SLC22A23: variants seen among roughly 807,000 people sequenced by gnomAD.
The protein encoded by SLC22A23 is solute carrier family 22 member 23.
A neutral mutation model predicts 61.0 loss-of-function variants in SLC22A23; 26 were observed. The ratio of observed to expected loss-of-function variants is 0.43; its 90% CI spans 0.31 to 0.59. The LOEUF is 0.59. SLC22A23 is among the 20% of genes least tolerant of loss of function. The pLI, the probability that SLC22A23 is intolerant of heterozygous loss-of-function variation, is 0.11. For synonymous variants in SLC22A23, 430 were observed against 413.9 expected, an observed-to-expected ratio of 1.04 and a Z score of -0.47; for missense variants, 796 against 934.7, an observed-to-expected ratio of 0.85 and a Z score of 1.94.
At chr6:3,355,283 C>A (rs542223079) in intron 3 of SLC22A23, among the ~76,000 whole-genome samples, 1 of 151,960 alleles carries the variant, frequency 6.6e-6, no homozygotes, top group South Asian at 2.1e-4. Context: ...TTCTCATCTT[C>A]AAACTGGAAA....
intron 5 of SLC22A23, among the ~76,000 whole-genome samples, chr6:3,296,928 C>A (rs1012695011): frequency 6.6e-6 from 1 of 152,216 alleles, no homozygotes; most frequent in Admixed American, 6.5e-5. Context: ...CATCCCTTCC[C>A]ATCGTAAATG....
At chr6:3,356,361 C>G (rs77315701) in intron 3 of SLC22A23, among the ~76,000 whole-genome samples, 1,740 of 151,748 alleles carry the variant, frequency 0.011, 44 homozygotes, top group African/African-American at 0.04. Context: ...GATCCACCCT[C>G]GGTGCCTACA....
intron 3 of SLC22A23, among the ~76,000 whole-genome samples, chr6:3,331,136 G>A (rs1352125205): frequency 6.6e-6 from 1 of 152,138 alleles, no homozygotes. Flanking sequence ...GGTGATTAAG[G>A]GACTGGTCCA....
At chr6:3,385,219 A>C (rs1767219512) in intron 3 of SLC22A23, among the ~76,000 whole-genome samples, 1 of 152,122 alleles carries the variant, frequency 6.6e-6, no homozygotes, top group South Asian at 2.1e-4. Flanking sequence ...ATACACTTAA[A>C]TGGTTAAGAT....
At chr6:3,397,303 A>G (rs914826868) in intron 3 of SLC22A23, among the ~76,000 whole-genome samples, 7 of 152,254 alleles carry the variant, frequency 4.6e-5, no homozygotes, top group Admixed American at 4.6e-4. Context: ...CATAGCACTC[A>G]GCAGTGAAAA....
Position 3,427,731 on chromosome 6 carries a change from GAA to G in SLC22A23, c.655-11878_655-11877del, listed in dbSNP as rs879383489. Among the ~76,000 whole-genome samples, 2 of 147,492 alleles carry G rather than the reference GAA, an allele frequency of 1.4e-5. No homozygotes were observed. The highest frequency in any genetic ancestry group is 6.7e-5 in the Admixed American group (1 of 14,902). On this transcript the variant is annotated intron_variant, in intron 1 of 9. Coordinates refer to ENST00000406686, the MANE Select transcript of SLC22A23 (RefSeq NM_015482.2). This position sits in a 1 kb window ranked among gnomAD's most constrained non-coding sequence, Gnocchi z 4.3. ...AAATATACTATTTTTCTGACCAAAAGAAAAAAAAAAGTAGGATGGTTCTCAAA... is the reference window on the plus strand; with the variant it reads ...AAATATACTATTTTTCTGACCAAAAGAAAAAAAAGTAGGATGGTTCTCAAA...
Position 3,270,804 on chromosome 6 carries a change from A to G in SLC22A23, c.*2251T>C, listed in dbSNP as rs1431792148. The G allele has an allele frequency of 6.6e-6, 1 of 151,804 alleles. No individual in the cohort carries two copies. Among genetic ancestry groups the G allele is most frequent in the Non-Finnish European group, 1.5e-5 (1 of 67,956 alleles). The allele number at this position is 151,804 out of a possible 1,614,324, so 9.4% of individuals were successfully genotyped here. On this transcript the variant is annotated 3_prime_UTR_variant, in exon 10 of 10. Transcript: ENST00000406686. ...GTCCCTTGCCACCAACTTCCTAGAG[A>G]TTTCGGGCAGCACTCTACAGCTTCA...
At chr6:3,416,789 T>A (rs1489394294) in intron 1 of SLC22A23, among the ~76,000 whole-genome samples, 1 of 152,162 alleles carries the variant, frequency 6.6e-6, no homozygotes, top group Non-Finnish European at 1.5e-5. Flanking sequence ...GACGCGCAAC[T>A]CCAGGTCAGT....
chr6:3,324,204 T>C lies in SLC22A23; in HGVS notation c.914-202A>G, dbSNP rs1581692495. Reference sequence around the variant, plus strand: ...CCAACTGGGAAGGGAAGTGAGACGGTTGTTCAAGGCCACAGGGCTAGTCGA... The same window carrying C: ...CCAACTGGGAAGGGAAGTGAGACGGCTGTTCAAGGCCACAGGGCTAGTCGA... On this transcript the variant is annotated intron_variant, in intron 3 of 9. Coordinates refer to ENST00000406686, the MANE Select transcript of SLC22A23 (RefSeq NM_015482.2). This position sits in a 1 kb window ranked among gnomAD's most constrained non-coding sequence, Gnocchi z 4.3. The C allele has an allele frequency of 4.9e-6, 3 of 610,236 alleles. No individual in the cohort carries two copies. In the South Asian group the frequency reaches 6.2e-5, roughly 13 times the overall value. 37.8% of individuals were successfully genotyped at this position (610,236 alleles called of 1,614,324 possible). A position where few individuals can be genotyped will look rare whatever the true frequency, so the allele number is the denominator to read the frequency against.
Position 3,356,862 on chromosome 6 carries a change from C to T in SLC22A23, c.914-32860G>A, listed in dbSNP as rs188202824. 3.1e-4 allele frequency among the ~76,000 whole-genome samples: 47 copies of T among 152,098 alleles called. No homozygotes were observed. The East Asian group carries it at 6.8e-3, about 22-fold the overall frequency. On this transcript the variant is annotated intron_variant, in intron 3 of 9. Coordinates refer to ENST00000406686, the MANE Select transcript of SLC22A23 (RefSeq NM_015482.2). ...GAATATCAAGTAGTATCCCCATTTC[C>T]AAGATGGGAAATGGCCCCTTCAAAG...
rs915409827 is a variant in SLC22A23, at chr6:3,430,338, G to A, written c.655-14483C>T. Among the ~76,000 whole-genome samples, 10 of 152,282 alleles carry A rather than the reference G, an allele frequency of 6.6e-5. 1 individual carries two copies. The highest frequency in any genetic ancestry group is 2.1e-4 in the South Asian group (1 of 4,824). On this transcript the variant is annotated intron_variant, in intron 1 of 9. Transcript: ENST00000406686. ...AGGACATTGCCCGCCAAAAGGAAGA[G>A]TGACCAGACTGCCCCCCTCCCTCAG...
At chr6:3,344,678 A>G (rs1156972850) in intron 3 of SLC22A23, among the ~76,000 whole-genome samples, 1 of 152,276 alleles carries the variant, frequency 6.6e-6, no homozygotes, top group African/African-American at 2.4e-5. Context: ...AGAAGTGAAC[A>G]GCGTGTCTTG....
At chr6:3,451,800 A>C (rs1332387586) in intron 1 of SLC22A23, among the ~76,000 whole-genome samples, 1 of 152,216 alleles carries the variant, frequency 6.6e-6, no homozygotes, top group Non-Finnish European at 1.5e-5. Context: ...AGTCATCAGA[A>C]AGTTGAACAC....
rs1487396752 is a variant in SLC22A23, at chr6:3,414,817, T to C, written c.758+935A>G. Among the ~76,000 whole-genome samples, 1 of 151,832 alleles carries C rather than the reference T, an allele frequency of 6.6e-6. No homozygotes were observed. Among genetic ancestry groups the C allele is most frequent in the Non-Finnish European group, 1.5e-5 (1 of 67,982 alleles). On this transcript the variant is annotated intron_variant, in intron 2 of 9. Transcript: ENST00000406686. This position sits in a 1 kb window ranked among gnomAD's most constrained non-coding sequence, Gnocchi z 5.1. ...CCTCTCTCCTGAGCAATCTCGCTACTTGAAAAACCTGTCAACATTGTGCAA... is the reference window on the plus strand; with the variant it reads ...CCTCTCTCCTGAGCAATCTCGCTACCTGAAAAACCTGTCAACATTGTGCAA...
chr6:3,421,614 T>A (rs1004559402), intron 1 of SLC22A23, among the ~76,000 whole-genome samples: 3 of 152,120 alleles, frequency 2.0e-5, no homozygotes, highest in Non-Finnish European at 4.4e-5. Context: ...AGAGTAGAAA[T>A]AAGACTGAGT....
At chr6:3,369,606 G>A (rs1446970095) in intron 3 of SLC22A23, among the ~76,000 whole-genome samples, 6 of 151,708 alleles carry the variant, frequency 4.0e-5, no homozygotes, top group Non-Finnish European at 7.4e-5. Context: ...CAGGAGAATG[G>A]CTTCAATCTG....
intron 1 of SLC22A23, among the ~76,000 whole-genome samples, chr6:3,417,457 G>T (rs1393865778): frequency 6.6e-6 from 1 of 152,218 alleles, no homozygotes; most frequent in Non-Finnish European, 1.5e-5. Context: ...TTGGGGAGAA[G>T]GGCACTGCTG....
chr6:3,377,172 A>C (rs931228651), intron 3 of SLC22A23, among the ~76,000 whole-genome samples: 1 of 152,176 alleles, frequency 6.6e-6, no homozygotes, highest in African/African-American at 2.4e-5. Flanking sequence ...GCCTTATGCT[A>C]TGGTGACAGG....
At chr6:3,434,831 C>T (rs1027309478) in intron 1 of SLC22A23, among the ~76,000 whole-genome samples, 1 of 152,124 alleles carries the variant, frequency 6.6e-6, no homozygotes, top group African/African-American at 2.4e-5. Flanking sequence ...CTCCCTTGTG[C>T]TTAGGAAATA....
Sources: allele counts gnomAD v4.1 joint callset (sites outside exome capture counted in the v4.1 genomes callset), GRCh38; gene constraint gnomAD v4.1.1; non-coding constraint Gnocchi (gnomAD v3.1); transcripts MANE v1.5; gene names NCBI Gene and HGNC (gene_info 2026-07-23, HGNC 2026-07-21).